Variants in KLF9 observed in about 807,000 individuals in gnomAD.
The protein encoded by KLF9 is KLF transcription factor 9, also known as Krueppel-like factor 9.
A neutral mutation model predicts 17.3 loss-of-function variants in KLF9; 2 were observed. That is an observed-to-expected ratio of 0.12 (90% CI 0.05 to 0.36). The LOEUF is 0.36. Among genes scored for constraint, KLF9 ranks in the 10% least tolerant of loss-of-function variants. The pLI is 1.00. For missense variants in KLF9, 226 were observed against 333.2 expected, an observed-to-expected ratio of 0.68 and a Z score of 2.51; for synonymous variants, 138 against 139.2, an observed-to-expected ratio of 0.99 and a Z score of 0.06.
chr9:70,409,152 A>ATATATGTGTG, intron 1 of KLF9, among the ~76,000 whole-genome samples: 1 of 48,336 alleles, frequency 2.1e-5, no homozygotes, highest in Non-Finnish European at 6.4e-5. Context: ...ATGTATATGT[A>ATATATGTGTG]TATATATACA....
chr9:70,387,188 T>G lies in KLF9; in HGVS notation c.*588A>C, dbSNP rs2118904182. On this transcript the variant is annotated 3_prime_UTR_variant, in exon 2 of 2. Transcript: ENST00000377126. ...GTGCTCTTGCTTGCATAAAGACAGCTGTGCTATGGCGTTTTTTTTTTTAAT... is the reference window on the plus strand; with the variant it reads ...GTGCTCTTGCTTGCATAAAGACAGCGGTGCTATGGCGTTTTTTTTTTTAAT... The G allele has an allele frequency of 6.5e-6, 1 of 154,424 alleles. No homozygotes were observed. Among genetic ancestry groups the G allele is most frequent in the Admixed American group, 6.4e-5 (1 of 15,732 alleles). The allele number at this position is 154,424 out of a possible 1,614,324, so 9.6% of individuals were successfully genotyped here.
In KLF9 at chr9:70,385,772, T is replaced by G. The variant is rs1393682535; in HGVS notation, c.*2004A>C. ...TGGACACAGAAATTAAAATTTGGTTTAAAATAAGTGTTTCAAAAATCTGAA... is the reference window on the plus strand; with the variant it reads ...TGGACACAGAAATTAAAATTTGGTTGAAAATAAGTGTTTCAAAAATCTGAA... On this transcript the variant is annotated 3_prime_UTR_variant, in exon 2 of 2. Transcript: ENST00000377126. The G allele has an allele frequency of 2.0e-5, 3 of 152,764 alleles. No homozygotes were observed. In the East Asian group the frequency reaches 5.8e-4, roughly 29 times the overall value. The allele number at this position is 152,764 out of a possible 1,614,324, so 9.5% of individuals were successfully genotyped here.
chr9:70,398,477 G>GCAGATAA (rs1007183536), intron 1 of KLF9, among the ~76,000 whole-genome samples: 1 of 151,808 alleles, frequency 6.6e-6, no homozygotes, highest in African/African-American at 2.4e-5. Flanking sequence ...ACAAAAGACA[G>GCAGATAA]CAGATAACAG....
rs1303475381 is a variant in KLF9 at position 70,414,083 on chromosome 9, C to T, written c.-720G>A. On this transcript the variant is annotated 5_prime_UTR_variant, in exon 1 of 2. Transcript: ENST00000377126. ...AACGGCCTTCGGTGGAGAGGTGCGT[C>T]TAGAACTGAGGCGTGCGGCCAATCC... is the stretch of plus-strand genomic sequence containing the variant. 6.6e-6 allele frequency: 1 copy of T among 152,428 alleles called. No individual in the cohort carries two copies. The highest frequency in any genetic ancestry group is 1.5e-5 in the Non-Finnish European group (1 of 68,124). 9.4% of individuals were successfully genotyped at this position (152,428 alleles called of 1,614,324 possible).
At chr9:70,402,782 GA>G (rs907610085) in intron 1 of KLF9, among the ~76,000 whole-genome samples, 2 of 151,326 alleles carry the variant, frequency 1.3e-5, no homozygotes, top group Admixed American at 6.6e-5. Context: ...AAAATATATA[GA>G]AAAAAAAATA....
Position 70,405,812 on chromosome 9 carries a change from T to C in KLF9, c.505+7047A>G, listed in dbSNP as rs2037251702. Among the ~76,000 whole-genome samples the C allele has an allele frequency of 2.0e-5, 3 of 152,178 alleles. No homozygotes were observed. In the South Asian group the frequency reaches 6.2e-4, roughly 32 times the overall value. On this transcript the variant is annotated intron_variant, in intron 1 of 1. Transcript: ENST00000377126. ...GGGGGGATCACATTCTTATGAATAATAATGTTAGTCCTATTATTTGCTGAG... is the reference window on the plus strand; with the variant it reads ...GGGGGGATCACATTCTTATGAATAACAATGTTAGTCCTATTATTTGCTGAG...
In KLF9 at chr9:70,387,844, G is replaced by GGGC; in HGVS notation, c.664_666dup (p.Ala222dup). On this transcript the variant is annotated inframe_insertion, in exon 2 of 2. Transcript: ENST00000377126. ...CTGGGGTGGAACTCGGTGTGCCGCC[G>GGGC]GGCGTGCTTTGTGAGGTGGTCACTC... is the stretch of plus-strand genomic sequence containing the variant. The GGGC allele has an allele frequency of 6.2e-7, 1 of 1,612,930 alleles. No homozygotes were observed. Among genetic ancestry groups the GGGC allele is most frequent in the South Asian group, 1.1e-5 (1 of 91,022 alleles).
At position 70,413,083 on chromosome 9, in the gene KLF9, C is replaced by G; in HGVS notation, c.281G>C (p.Gly94Ala). 1 of 1,614,054 alleles carries G rather than the reference C, an allele frequency of 6.2e-7. No homozygotes were observed. Among genetic ancestry groups the G allele is most frequent in the Non-Finnish European group, 8.5e-7 (1 of 1,179,986 alleles). The stretch of plus-strand genomic sequence containing the variant: ...TTCGGTGGTCACGTCGCTGTCGGAT[C>G]CCATATCCTCATCTGGACTTTCCAG... ...DSLESPDEDMGSDSDVTTESG... is the reference protein window; with the variant it reads ...DSLESPDEDMASDSDVTTESG... The change falls in exon 1 of 2, where the codon GGA (glycine) becomes GCA (alanine). Residue 94 changes from glycine to alanine, a missense_variant. Transcript: ENST00000377126. This position sits in a 1 kb window ranked among gnomAD's most constrained non-coding sequence, Gnocchi z 5.6.
In KLF9 at chr9:70,385,112, A is replaced by G. The variant is rs1056529530; in HGVS notation, c.*2664T>C. Reference sequence around the variant, plus strand: ...ACCTGCAATAGTCTTTCAAAAATTCAGTTTGGTTAAAAAAGTAAACAAAAA... The same window carrying G: ...ACCTGCAATAGTCTTTCAAAAATTCGGTTTGGTTAAAAAAGTAAACAAAAA... On this transcript the variant is annotated 3_prime_UTR_variant, in exon 2 of 2. Transcript: ENST00000377126. 6.5e-6 allele frequency: 1 copy of G among 152,678 alleles called. No individual in the cohort carries two copies. Among genetic ancestry groups the G allele is most frequent in the African/African-American group, 2.4e-5 (1 of 41,464 alleles). 9.5% of individuals were successfully genotyped at this position (152,678 alleles called of 1,614,324 possible).
intron 1 of KLF9, among the ~76,000 whole-genome samples, chr9:70,404,394 G>GT (rs2037242788): frequency 6.6e-6 from 1 of 152,096 alleles, no homozygotes; most frequent in Admixed American, 6.6e-5. Flanking sequence ...GAGCTCAGGA[G>GT]TTTGAGACCA....
At chr9:70,390,055 T>G (rs1356285783) in intron 1 of KLF9, among the ~76,000 whole-genome samples, 1 of 152,240 alleles carries the variant, frequency 6.6e-6, no homozygotes, top group Admixed American at 6.5e-5. Flanking sequence ...TCTCTTAACC[T>G]GTGCTGATGA....
intron 1 of KLF9, among the ~76,000 whole-genome samples, chr9:70,405,520 T>A (rs1166711637): frequency 6.6e-6 from 1 of 152,192 alleles, no homozygotes; most frequent in Non-Finnish European, 1.5e-5. Flanking sequence ...CATTAAAAAA[T>A]AAACAAATTC....
intron 1 of KLF9, among the ~76,000 whole-genome samples, chr9:70,405,356 T>C (rs2037249165): frequency 6.6e-6 from 1 of 152,214 alleles, no homozygotes; most frequent in African/African-American, 2.4e-5. Context: ...TAATTTTGTA[T>C]GGCTTAAGCT....
chr9:70,413,633 CCGCGCCGGCCGCGATCCCCCGACGGG>C lies in KLF9; in HGVS notation c.-296_-271del, dbSNP rs1190864189. Reference sequence around the variant, plus strand: ...GCCGCCTCTAGCCGCCGCCCCTGCCCCGCGCCGGCCGCGATCCCCCGACGGGCGCGCCGGCCCCTCTGAGCCGGCTC... The same window carrying C: ...GCCGCCTCTAGCCGCCGCCCCTGCCCCGCGCCGGCCCCTCTGAGCCGGCTC... On this transcript the variant is annotated 5_prime_UTR_variant, in exon 1 of 2. Coordinates refer to ENST00000377126, the MANE Select transcript of KLF9 (RefSeq NM_001206.4). The surrounding 1 kb of genome is among the most constrained non-coding windows in gnomAD (Gnocchi z 5.6). 7 of 175,216 alleles carry C rather than the reference CCGCGCCGGCCGCGATCCCCCGACGGG, an allele frequency of 4.0e-5. No homozygotes were observed. Among genetic ancestry groups the C allele is most frequent in the South Asian group, 1.7e-4 (1 of 5,868 alleles). 10.9% of individuals were successfully genotyped at this position (175,216 alleles called of 1,614,324 possible). A position where few individuals can be genotyped will look rare whatever the true frequency, so the allele number is the denominator to read the frequency against.
rs189354316 is a variant in KLF9 at position 70,411,468 on chromosome 9, G to A, written c.505+1391C>T. On this transcript the variant is annotated intron_variant, in intron 1 of 1. Transcript: ENST00000377126. ...ACCTTACAGATACAAGCCTTAAAATGTGCTGTTTTATGGCAACCTAAATGA... is the reference window on the plus strand; with the variant it reads ...ACCTTACAGATACAAGCCTTAAAATATGCTGTTTTATGGCAACCTAAATGA... Among the ~76,000 whole-genome samples, 4 of 152,202 alleles carry A rather than the reference G, an allele frequency of 2.6e-5. No homozygotes were observed. In the East Asian group the frequency reaches 7.7e-4, roughly 29 times the overall value.
At chr9:70,393,367 G>A (rs185527358) in intron 1 of KLF9, among the ~76,000 whole-genome samples, 55 of 152,284 alleles carry the variant, frequency 3.6e-4, no homozygotes, top group African/African-American at 1.1e-3. Flanking sequence ...AACGAATGGA[G>A]GTGAGTTCTC....
At chr9:70,402,524 T>C (rs923518009) in intron 1 of KLF9, among the ~76,000 whole-genome samples, 2 of 152,208 alleles carry the variant, frequency 1.3e-5, no homozygotes, top group African/African-American at 4.8e-5. Context: ...ATGGACAGAC[T>C]GGAATTAAAA....
In KLF9 at chr9:70,386,588, A is replaced by C. The variant is rs548276527; in HGVS notation, c.*1188T>G. On this transcript the variant is annotated 3_prime_UTR_variant, in exon 2 of 2. Transcript: ENST00000377126. ...GTGGGAGTTTTGTAGGAACACAGGA[A>C]GGAGACCAACAAACCTTTTTCCCCA... The C allele has an allele frequency of 1.3e-5, 2 of 152,776 alleles. No individual in the cohort carries two copies. The highest frequency in any genetic ancestry group is 2.9e-5 in the Non-Finnish European group (2 of 68,044). 9.5% of individuals were successfully genotyped at this position (152,776 alleles called of 1,614,324 possible). A position where few individuals can be genotyped will look rare whatever the true frequency, so the allele number is the denominator to read the frequency against.
intron 1 of KLF9, among the ~76,000 whole-genome samples, chr9:70,401,686 C>CAAAAAAAAAA (rs34988097): frequency 3.6e-4 from 24 of 65,846 alleles, no homozygotes; most frequent in Non-Finnish European, 5.8e-4. Flanking sequence ...GACTCCTTCA[C>CAAAAAAAAAA]AAAAAAAAAA....
Sources: allele counts gnomAD v4.1 joint callset (sites outside exome capture counted in the v4.1 genomes callset), GRCh38; gene constraint gnomAD v4.1.1; non-coding constraint Gnocchi (gnomAD v3.1); transcripts MANE v1.5; gene names NCBI Gene and HGNC (gene_info 2026-07-23, HGNC 2026-07-21).